CPNE4: variants seen among roughly 807,000 people sequenced by gnomAD.
CPNE4 encodes copine-4.
Under a neutral mutation model 67.9 loss-of-function variants are expected in CPNE4, and 25 were observed. The ratio of observed to expected loss-of-function variants is 0.37; its 90% CI spans 0.27 to 0.51. The LOEUF (loss-of-function observed/expected upper bound fraction) is 0.51, where lower values mean the gene tolerates loss of function less well. CPNE4 is among the 20% of genes least tolerant of loss of function. CPNE4 has a pLI of 0.93. For missense variants in CPNE4, 464 were observed against 690.8 expected (o/e 0.67, Z 3.68); for synonymous variants, 242 against 244.9 (o/e 0.99, Z 0.11).
At chr3:131,692,312 G>C (rs542171846) in intron 5 of CPNE4, among the ~76,000 whole-genome samples, 2 of 152,168 alleles carry the variant, frequency 1.3e-5, no homozygotes, top group South Asian at 4.1e-4. Flanking sequence ...CTAACTTCTG[G>C]GAATATGCTT....
At chr3:131,667,709 T>C (rs1055125308) in intron 7 of CPNE4, among the ~76,000 whole-genome samples, 1 of 151,938 alleles carries the variant, frequency 6.6e-6, no homozygotes, top group Non-Finnish European at 1.5e-5. Context: ...ATCAATCATC[T>C]ATTTCCTTAC....
chr3:131,943,517 A>G (rs945943701), intron 1 of CPNE4, among the ~76,000 whole-genome samples: 1 of 152,064 alleles, frequency 6.6e-6, no homozygotes, highest in African/African-American at 2.4e-5. Context: ...TTGTGTTGCT[A>G]TTACTTATTG....
chr3:131,629,392 T>C (rs2079163047), intron 7 of CPNE4, among the ~76,000 whole-genome samples: 1 of 87,222 alleles, frequency 1.1e-5, no homozygotes, highest in Non-Finnish European at 2.0e-5. Context: ...TATGTTCATC[T>C]TTTTTTTTCA....
At chr3:131,935,512 T>A (rs952393497) in intron 1 of CPNE4, among the ~76,000 whole-genome samples, 1 of 152,058 alleles carries the variant, frequency 6.6e-6, no homozygotes, top group Non-Finnish European at 1.5e-5. Flanking sequence ...AGAGAAAAAG[T>A]TGCTAAAGAA....
At chr3:131,584,634 T>A (rs1170029240) in intron 8 of CPNE4, among the ~76,000 whole-genome samples, 3 of 152,166 alleles carry the variant, frequency 2.0e-5, no homozygotes, top group Admixed American at 1.3e-4. Flanking sequence ...AGTAATATTT[T>A]AAAAAATTAA....
chr3:131,714,823 T>A (rs963295652), intron 3 of CPNE4, among the ~76,000 whole-genome samples: 4 of 152,176 alleles, frequency 2.6e-5, no homozygotes, highest in African/African-American at 9.7e-5. Context: ...GAAGATGGTA[T>A]ATAATCTCTC....
intron 2 of CPNE4, among the ~76,000 whole-genome samples, chr3:131,761,210 CTT>C (rs151161125): frequency 0.62 from 73,444 of 119,082 alleles, 23,825 homozygotes; most frequent in Non-Finnish European, 0.72. Context: ...TCACTTCGTA[CTT>C]TTTTTTTTTT....
intron 7 of CPNE4, among the ~76,000 whole-genome samples, chr3:131,634,003 C>T (rs2079309683): frequency 6.6e-6 from 1 of 152,106 alleles, no homozygotes; most frequent in East Asian, 1.9e-4. Flanking sequence ...TTCCATAGAA[C>T]AAATTTTTAA....
At chr3:132,012,189 T>TTA (rs1202040226) in intron 1 of CPNE4, among the ~76,000 whole-genome samples, 6 of 151,072 alleles carry the variant, frequency 4.0e-5, no homozygotes, top group African/African-American at 7.3e-5. Context: ...TTTTTTTTTT[T>TTA]AGACAGTCTC....
intron 1 of CPNE4, among the ~76,000 whole-genome samples, chr3:131,992,730 T>C (rs1241157295): frequency 7.4e-6 from 1 of 135,966 alleles, no homozygotes; most frequent in East Asian, 2.4e-4. Context: ...AAATTGTAGT[T>C]CCCATAATCC....
At chr3:131,620,019 C>G (rs1940376721) in intron 7 of CPNE4, among the ~76,000 whole-genome samples, 1 of 152,108 alleles carries the variant, frequency 6.6e-6, no homozygotes, top group Non-Finnish European at 1.5e-5. Context: ...CCCTGCCTAG[C>G]AACAAAATCC....
At chr3:131,993,311 C>T (rs1279234961) in intron 1 of CPNE4, among the ~76,000 whole-genome samples, 1 of 134,172 alleles carries the variant, frequency 7.5e-6, no homozygotes, top group African/African-American at 2.5e-5. Flanking sequence ...TGTCCAGGTT[C>T]AGGACCTTTA....
intron 2 of CPNE4, among the ~76,000 whole-genome samples, chr3:131,796,153 T>G (rs1209512325): frequency 7.2e-6 from 1 of 138,682 alleles, no homozygotes; most frequent in Non-Finnish European, 1.6e-5. Flanking sequence ...GATGACAGAG[T>G]TTTTTTTTTT....
Position 131,884,427 on chromosome 3 carries a change from T to C in CPNE4, c.180+20837A>G, listed in dbSNP as rs149410790. 2.0e-5 allele frequency among the ~76,000 whole-genome samples: 3 copies of C among 152,226 alleles called. No homozygotes were observed. The East Asian group carries it at 5.8e-4, about 29-fold the overall frequency. On this transcript the variant is annotated intron_variant, in intron 2 of 15. Transcript: ENST00000429747. ...AGATGCTTGTTTAGAAGTAGGTGTC[T>C]CCCACAGCAATGGGTACACTAGTCT... is the stretch of plus-strand genomic sequence containing the variant.
At chr3:131,651,801 C>T (rs1342194602) in intron 7 of CPNE4, among the ~76,000 whole-genome samples, 1 of 152,168 alleles carries the variant, frequency 6.6e-6, no homozygotes, top group African/African-American at 2.4e-5. Flanking sequence ...TTCTGTAAGT[C>T]CAGATCCAAG....
At chr3:131,670,904 T>A (rs749489817) in intron 6 of CPNE4, among the ~76,000 whole-genome samples, 1 of 152,094 alleles carries the variant, frequency 6.6e-6, no homozygotes, top group Non-Finnish European at 1.5e-5. Flanking sequence ...CTCTCCTGCA[T>A]CAGCCTCCCA....
chr3:131,564,854 T>C (rs1936973534), intron 10 of CPNE4, among the ~76,000 whole-genome samples: 1 of 152,036 alleles, frequency 6.6e-6, no homozygotes, highest in East Asian at 1.9e-4. Context: ...GTTAGAGTGG[T>C]TATAACAAAT....
At chr3:131,845,691 T>C (rs564352245) in intron 2 of CPNE4, among the ~76,000 whole-genome samples, 4 of 152,128 alleles carry the variant, frequency 2.6e-5, no homozygotes, top group Non-Finnish European at 5.9e-5. Flanking sequence ...TTAATAAACA[T>C]GTTGATTGAT....
At position 131,669,766 on chromosome 3, in the gene CPNE4, T is replaced by C. The variant is rs1197899064; in HGVS notation, c.592-2A>G. The C allele has an allele frequency of 6.2e-7, 1 of 1,610,978 alleles. No individual in the cohort carries two copies. Among genetic ancestry groups the C allele is most frequent in the Non-Finnish European group, 8.5e-7 (1 of 1,177,722 alleles). On this transcript the variant is annotated splice_acceptor_variant, in intron 6 of 15. Coordinates refer to ENST00000429747, the MANE Select transcript of CPNE4 (RefSeq NM_130808.3). LOFTEE classifies it high-confidence loss of function. ...TGGGCTTAAGTTATTCATCACAACCTGGGAAAAGAAAGAGAGGAGTGGTGA... is the reference window on the plus strand; with the variant it reads ...TGGGCTTAAGTTATTCATCACAACCCGGGAAAAGAAAGAGAGGAGTGGTGA...
Sources: allele counts gnomAD v4.1 joint callset (sites outside exome capture counted in the v4.1 genomes callset), GRCh38; gene constraint gnomAD v4.1.1; transcripts MANE v1.5; gene names NCBI Gene and HGNC (gene_info 2026-07-23, HGNC 2026-07-21).